Variants in SNX10 observed in about 807,000 individuals in gnomAD.
SNX10 encodes the protein sorting nexin 10.
A neutral mutation model predicts 28.5 loss-of-function variants in SNX10; 25 were observed. The observed-to-expected ratio is 0.88, with a 90% CI of 0.64 to 1.22. The LOEUF is 1.22. SNX10 is among the 50% of genes most tolerant of loss of function. The probability of loss-of-function intolerance (pLI) is 0.00; values close to 1 mark genes in which losing one functional copy is unlikely to be tolerated. For missense variants in SNX10, 223 were observed against 242.6 expected, an observed-to-expected ratio of 0.92 and a Z score of 0.54; for synonymous variants, 62 against 81.4, an observed-to-expected ratio of 0.76 and a Z score of 1.28.
At chr7:26,335,140 C>G (rs1283345077) in intron 1 of SNX10, among the ~76,000 whole-genome samples, 1 of 152,204 alleles carries the variant, frequency 6.6e-6, no homozygotes, top group African/African-American at 2.4e-5. Flanking sequence ...AAAGTGGCCC[C>G]AGGCAGGCCT....
At chr7:26,317,659 C>CTTTTT (rs11310428) in intron 1 of SNX10, among the ~76,000 whole-genome samples, 2 of 106,216 alleles carry the variant, frequency 1.9e-5, no homozygotes, top group African/African-American at 3.6e-5. Flanking sequence ...CTTCTTTGAT[C>CTTTTT]TTTTTTTTTT....
At chr7:26,325,909 G>A (rs1787487503) in intron 1 of SNX10, among the ~76,000 whole-genome samples, 1 of 151,792 alleles carries the variant, frequency 6.6e-6, no homozygotes, top group Admixed American at 6.6e-5. Flanking sequence ...TGTATTTTTA[G>A]TAGAGACAGG....
chr7:26,345,997 C>G (rs1042627924), intron 1 of SNX10, among the ~76,000 whole-genome samples: 8 of 152,278 alleles, frequency 5.3e-5, no homozygotes, highest in African/African-American at 1.4e-4. Context: ...GGGCCTGATC[C>G]CAGAAGGTTT....
intron 2 of SNX10, among the ~76,000 whole-genome samples, chr7:26,352,744 T>C (rs1428359773): frequency 6.6e-6 from 1 of 152,260 alleles, no homozygotes; most frequent in Admixed American, 6.5e-5. Flanking sequence ...CAAATTACCT[T>C]GATTATTTTG....
intron 1 of SNX10, among the ~76,000 whole-genome samples, chr7:26,295,167 G>A (rs1786062351): frequency 6.6e-6 from 1 of 152,086 alleles, no homozygotes; most frequent in Non-Finnish European, 1.5e-5. Context: ...CTGGGGACAG[G>A]GAAATAGTCT....
At position 26,364,017 on chromosome 7, in the gene SNX10, A is replaced by G. The variant is rs1789191796; in HGVS notation, c.112-518A>G. On this transcript the variant is annotated intron_variant, in intron 3 of 6. Coordinates refer to ENST00000338523, the MANE Select transcript of SNX10 (RefSeq NM_013322.3). This position sits in a 1 kb window ranked among gnomAD's most constrained non-coding sequence, Gnocchi z 4.9. ...GGACACGCTCCCTCTCACATACAGT[A>G]GAGAAGGGAATGCTGTTCTCTAGGA... is the stretch of plus-strand genomic sequence containing the variant. Among the ~76,000 whole-genome samples, 1 of 152,158 alleles carries G rather than the reference A, an allele frequency of 6.6e-6. No homozygotes were observed. The highest frequency in any genetic ancestry group is 1.5e-5 in the Non-Finnish European group (1 of 68,024).
chr7:26,318,461 T>C (rs1284337007), intron 1 of SNX10, among the ~76,000 whole-genome samples: 1 of 152,158 alleles, frequency 6.6e-6, no homozygotes, highest in East Asian at 1.9e-4. Context: ...GTCATACTTA[T>C]TTATTATTGT....
At chr7:26,346,772 T>C (rs991470861) in intron 2 of SNX10, among the ~76,000 whole-genome samples, 1 of 152,244 alleles carries the variant, frequency 6.6e-6, no homozygotes. Context: ...CCTGCTTTTT[T>C]ACTCCATTGA....
Position 26,364,621 on chromosome 7 carries a change from T to A in SNX10, c.198T>A (p.Ser66Arg). Reference sequence around the variant, plus strand: ...TGTGGCTGAGGCAGAGACTCCAAAGTAATGCGTTGCTGGTGTAAGTGATTT... The same window carrying A: ...TGTGGCTGAGGCAGAGACTCCAAAGAAATGCGTTGCTGGTGTAAGTGATTT... ...EFVWLRQRLQ[S>R]NALLVQLPEL... The change falls in exon 4 of 7, where the codon AGT (serine) becomes AGA (arginine). Residue 66 changes from serine (S) to arginine (R), a missense_variant. By Grantham distance (110) the Ser-to-Arg change is moderately radical (BLOSUM62 -1). Coordinates refer to ENST00000338523, the MANE Select transcript of SNX10 (RefSeq NM_013322.3). The surrounding 1 kb of genome is among the most constrained non-coding windows in gnomAD (Gnocchi z 4.9). The A allele has an allele frequency of 6.2e-7, 1 of 1,612,374 alleles. No homozygotes were observed. Among genetic ancestry groups the A allele is most frequent in the South Asian group, 1.1e-5 (1 of 91,056 alleles).
intron 1 of SNX10, among the ~76,000 whole-genome samples, chr7:26,304,368 T>A (rs147021496): frequency 2.0e-5 from 3 of 152,346 alleles, no homozygotes; most frequent in Admixed American, 1.3e-4. Flanking sequence ...CATTGTTACT[T>A]TCCTATTAGC....
chr7:26,346,015 C>T (rs1295810789), intron 1 of SNX10, among the ~76,000 whole-genome samples: 7 of 152,144 alleles, frequency 4.6e-5, no homozygotes, highest in African/African-American at 7.2e-5. Context: ...TTTGAGTTTC[C>T]GGTAAAAGCG....
intron 3 of SNX10, among the ~76,000 whole-genome samples, chr7:26,361,819 T>C (rs753939607): frequency 1.3e-5 from 2 of 152,204 alleles, no homozygotes; most frequent in African/African-American, 4.8e-5. Context: ...CAAAGACAGG[T>C]GTCAGACCAG....
chr7:26,311,722 A>G (rs1786861042), intron 1 of SNX10, among the ~76,000 whole-genome samples: 1 of 152,144 alleles, frequency 6.6e-6, no homozygotes, highest in Non-Finnish European at 1.5e-5. Flanking sequence ...TGATGAGAAC[A>G]TTGGCTCAGC....
chr7:26,306,026 T>C (rs1786576595), intron 1 of SNX10, among the ~76,000 whole-genome samples: 1 of 152,024 alleles, frequency 6.6e-6, no homozygotes, highest in African/African-American at 2.4e-5. Flanking sequence ...TCTGGAGTAG[T>C]TGGGACTACA....
intron 1 of SNX10, among the ~76,000 whole-genome samples, chr7:26,339,850 CT>C (rs34466986): frequency 0.2 from 27,637 of 140,148 alleles, 3,105 homozygotes; most frequent in East Asian, 0.43. Context: ...CCTGGCCGAT[CT>C]TTTTTTTTTT....
chr7:26,341,127 ATCTCT>A (rs1179589332), intron 1 of SNX10, among the ~76,000 whole-genome samples: 1 of 151,966 alleles, frequency 6.6e-6, no homozygotes, highest in Non-Finnish European at 1.5e-5. Flanking sequence ...GGGATATACC[ATCTCT>A]ACAAAAATTT....
At chr7:26,335,930 A>G (rs1787920835) in intron 1 of SNX10, among the ~76,000 whole-genome samples, 1 of 151,158 alleles carries the variant, frequency 6.6e-6, no homozygotes, top group Non-Finnish European at 1.5e-5. Context: ...TTTTTAGTAG[A>G]GACGGGGTTT....
At chr7:26,345,154 C>A (rs1013447932) in intron 1 of SNX10, among the ~76,000 whole-genome samples, 4 of 152,222 alleles carry the variant, frequency 2.6e-5, no homozygotes, top group African/African-American at 9.6e-5. Context: ...TCTCCAAAGA[C>A]TCTTTTTTCA....
At chr7:26,358,204 A>T (rs1398791531) in intron 2 of SNX10, among the ~76,000 whole-genome samples, 1 of 105,418 alleles carries the variant, frequency 9.5e-6, no homozygotes, top group Non-Finnish European at 2.2e-5. Context: ...AGTTTAAGAG[A>T]CACACACACA....
Sources: allele counts gnomAD v4.1 joint callset (sites outside exome capture counted in the v4.1 genomes callset), GRCh38; gene constraint gnomAD v4.1.1; non-coding constraint Gnocchi (gnomAD v3.1); transcripts MANE v1.5; gene names NCBI Gene and HGNC (gene_info 2026-07-23, HGNC 2026-07-21).